The following PACSIN2 variants were observed in gnomAD, a reference collection of about 807,000 sequenced individuals.
PACSIN2 encodes protein kinase C and casein kinase substrate in neurons 2, also known as protein kinase C and casein kinase substrate in neurons protein 2.
PACSIN2 carries 25 observed loss-of-function variants against 63.8 expected under a neutral mutation model. The observed-to-expected ratio is 0.39, with a 90% CI of 0.29 to 0.55. PACSIN2 has a LOEUF of 0.55. PACSIN2 is among the 20% of genes least tolerant of loss of function. PACSIN2 has a pLI of 0.62. For missense variants in PACSIN2, 518 were observed against 646.9 expected (o/e 0.80, Z 2.16); for synonymous variants, 255 against 256.2 (o/e 1.00, Z 0.05).
chr22:42,977,596 G>A (rs1569344282), intron 1 of PACSIN2, among the ~76,000 whole-genome samples: 1 of 152,202 alleles, frequency 6.6e-6, no homozygotes, highest in Admixed American at 6.5e-5. Context: ...CCAGTAAAAG[G>A]GGTTGATATG....
chr22:42,913,478 T>TC (rs1379680032), intron 1 of PACSIN2, among the ~76,000 whole-genome samples: 1 of 59,604 alleles, frequency 1.7e-5, no homozygotes, highest in African/African-American at 9.2e-5. Context: ...AAACTCCGTC[T>TC]CCAAAAAAAA....
chr22:42,876,432 G>A (rs1194133204), intron 9 of PACSIN2, 99 bp from the exon 10 acceptor site: 12 of 954,022 alleles, frequency 1.3e-5, no homozygotes, highest in Non-Finnish European at 1.9e-5. Flanking sequence ...TTGGGGCTCA[G>A]GGCTGAGGGC....
chr22:42,971,834 TC>T (rs1208097625), intron 1 of PACSIN2, among the ~76,000 whole-genome samples: 318 of 126,150 alleles, frequency 2.5e-3, no homozygotes, highest in South Asian at 5.3e-3. Context: ...AGCAGCCCCG[TC>T]CGGGAGGGAG....
intron 1 of PACSIN2, among the ~76,000 whole-genome samples, chr22:42,969,956 C>T (rs552085185): frequency 5.1e-4 from 77 of 150,260 alleles, no homozygotes; most frequent in Non-Finnish European, 7.9e-4. Flanking sequence ...AATGACCCCC[C>T]GTTTCAACAA....
At chr22:42,987,802 C>T (rs960958881) in intron 1 of PACSIN2, among the ~76,000 whole-genome samples, 2 of 151,884 alleles carry the variant, frequency 1.3e-5, no homozygotes, top group South Asian at 2.1e-4. Flanking sequence ...CCAAAGTGCT[C>T]GGATTACAGG....
Position 42,878,950 on chromosome 22 carries a change from T to G in PACSIN2, c.1028+98A>C. The G allele has an allele frequency of 2.2e-6, 3 of 1,385,010 alleles. No homozygotes were observed. The South Asian group carries it at 4.5e-5, about 21-fold the overall frequency. 85.8% of individuals were successfully genotyped at this position (1,385,010 alleles called of 1,614,324 possible). A position where few individuals can be genotyped will look rare whatever the true frequency, so the allele number is the denominator to read the frequency against. On this transcript the variant is annotated intron_variant, in intron 8 of 10. Transcript: ENST00000263246. ...CACAGAGCTCAGGAGCCCAGGAACC[T>G]CCCAGGTGTCCAGGCCGGGGCTGCC...
Position 42,871,005 on chromosome 22 carries a change from C to T in PACSIN2, c.*352G>A, listed in dbSNP as rs1928065787. On this transcript the variant is annotated 3_prime_UTR_variant, in exon 11 of 11. Transcript: ENST00000263246. This position sits in a 1 kb window ranked among gnomAD's most constrained non-coding sequence, Gnocchi z 5.4. ...TCATTTAAGTTGCAGGTGATGGACTCGTCAGAGAGAGTAATCAGTGGAACA... is the reference window on the plus strand; with the variant it reads ...TCATTTAAGTTGCAGGTGATGGACTTGTCAGAGAGAGTAATCAGTGGAACA... 1.9e-5 allele frequency: 5 copies of T among 258,808 alleles called. No homozygotes were observed. Among genetic ancestry groups the T allele is most frequent in the Middle Eastern group, 1.3e-3 (1 of 768 alleles). The allele number at this position is 258,808 out of a possible 1,614,324, so 16.0% of individuals were successfully genotyped here.
intron 1 of PACSIN2, among the ~76,000 whole-genome samples, chr22:42,914,450 G>A (rs920885332): frequency 2.6e-5 from 4 of 152,176 alleles, no homozygotes; most frequent in Admixed American, 6.5e-5. Context: ...GGCCAGGCTG[G>A]TTTCAAACTC....
intron 1 of PACSIN2, among the ~76,000 whole-genome samples, chr22:42,932,851 C>T (rs1932809704): frequency 6.6e-6 from 1 of 152,104 alleles, no homozygotes; most frequent in Non-Finnish European, 1.5e-5. Flanking sequence ...TGGGCAGCCC[C>T]CAGGACACCC....
intron 8 of PACSIN2, among the ~76,000 whole-genome samples, chr22:42,878,125 G>A (rs1478422454): frequency 1.3e-5 from 2 of 152,148 alleles, no homozygotes; most frequent in Non-Finnish European, 2.9e-5. Context: ...TGGTGGGGGC[G>A]GCTGGATTGT....
At chr22:42,988,124 G>A (rs1245041009) in intron 1 of PACSIN2, among the ~76,000 whole-genome samples, 1 of 152,050 alleles carries the variant, frequency 6.6e-6, no homozygotes, top group African/African-American at 2.4e-5. Flanking sequence ...GCAACATAAC[G>A]AGACTGTGGC....
chr22:42,977,610 A>T (rs1921795631), intron 1 of PACSIN2, among the ~76,000 whole-genome samples: 3 of 152,242 alleles, frequency 2.0e-5, no homozygotes, highest in Admixed American at 1.3e-4. Flanking sequence ...TGATATGGTT[A>T]GGCTCTGTGT....
At chr22:42,928,329 T>C (rs569439682) in intron 1 of PACSIN2, among the ~76,000 whole-genome samples, 4 of 152,320 alleles carry the variant, frequency 2.6e-5, no homozygotes, top group South Asian at 4.1e-4. Context: ...TCACCTGCCA[T>C]CTTACACATG....
At chr22:42,979,414 C>T (rs1921918811) in intron 1 of PACSIN2, among the ~76,000 whole-genome samples, 1 of 150,472 alleles carries the variant, frequency 6.6e-6, no homozygotes, top group South Asian at 2.1e-4. Context: ...ATCCCAGCTA[C>T]TCCAAAGGCT....
At chr22:42,989,260 G>A (rs1922841273) in intron 1 of PACSIN2, among the ~76,000 whole-genome samples, 1 of 152,214 alleles carries the variant, frequency 6.6e-6, no homozygotes, top group African/African-American at 2.4e-5. Flanking sequence ...CACTTTGGGA[G>A]GCGAGGTGGG....
chr22:42,901,818 C>G (rs1024911888), intron 2 of PACSIN2, among the ~76,000 whole-genome samples: 8 of 152,330 alleles, frequency 5.3e-5, no homozygotes, highest in Admixed American at 2.0e-4. Context: ...CTGACCAGCT[C>G]TGGGTCAGAC....
intron 1 of PACSIN2, among the ~76,000 whole-genome samples, chr22:42,941,838 G>A (rs981202230): frequency 5.9e-5 from 9 of 152,076 alleles, no homozygotes; most frequent in African/African-American, 1.9e-4. Flanking sequence ...GTGCAGTGGC[G>A]CATTCTCGGC....
intron 1 of PACSIN2, among the ~76,000 whole-genome samples, chr22:42,963,797 A>G (rs939079806): frequency 1.3e-5 from 2 of 151,808 alleles, no homozygotes; most frequent in African/African-American, 4.8e-5. Context: ...ATGAAAATCA[A>G]GATATTTGGC....
intron 1 of PACSIN2, among the ~76,000 whole-genome samples, chr22:42,924,755 TTTTC>T (rs1364468416): frequency 6.6e-6 from 1 of 151,802 alleles, no homozygotes; most frequent in African/African-American, 2.4e-5. Flanking sequence ...GTGAGGTTTT[TTTTC>T]TTTTTTTTTT....
Sources: allele counts gnomAD v4.1 joint callset (sites outside exome capture counted in the v4.1 genomes callset), GRCh38; gene constraint gnomAD v4.1.1; non-coding constraint Gnocchi (gnomAD v3.1); transcripts MANE v1.5; gene names NCBI Gene and HGNC (gene_info 2026-07-23, HGNC 2026-07-21).